PSPC1: variants seen among roughly 807,000 people sequenced by gnomAD.
PSPC1 encodes the protein paraspeckle component 1.
A neutral mutation model predicts 51.6 loss-of-function variants in PSPC1; 14 were observed. The observed-to-expected ratio is 0.27, with a 90% CI of 0.18 to 0.42. The LOEUF is 0.42. Among genes scored for constraint, PSPC1 ranks in the 10% least tolerant of loss-of-function variants. The probability of loss-of-function intolerance (pLI) is 1.00; values close to 1 mark genes in which losing one functional copy is unlikely to be tolerated. For synonymous variants in PSPC1, 193 were observed against 231.9 expected (o/e 0.83, Z 1.53); for missense variants, 406 against 701.1 (o/e 0.58, Z 4.75).
chr13:19,735,268 G>A lies in PSPC1; in HGVS notation c.1053-4924C>T, dbSNP rs530978809. Among the ~76,000 whole-genome samples, 5 of 151,624 alleles carry A rather than the reference G, an allele frequency of 3.3e-5. No homozygotes were observed. The East Asian group carries it at 7.9e-4, about 24-fold the overall frequency. On this transcript the variant is annotated intron_variant, in intron 5 of 8. Transcript: ENST00000338910. ...CAGAGGTTGCAGCGACCGAGATCGC[G>A]CCACCGCACTCCAGCCTGGGCGACA...
chr13:19,782,640 C>A lies in PSPC1; in HGVS notation c.118G>T (p.Ala40Ser). Residue 40 changes from alanine (A) to serine (S), a missense_variant, in exon 1 of 9, where the codon GCT becomes TCT. Ala to Ser is a moderately conservative substitution (Grantham distance 99). Transcript: ENST00000338910. The surrounding 1 kb of genome is among the most constrained non-coding windows in gnomAD (Gnocchi z 4.5). ...GGCGGTGCCGGCTCCCCGGCAAGAG[C>A]GAGCGCCATGGCTGCCGCGGCCGCC... ...EPAAAAAMAL[A>S]LAGEPAPPAP... is the part of the protein sequence containing the mutation. 1 of 1,565,990 alleles carries A rather than the reference C, an allele frequency of 6.4e-7. No homozygotes were observed. The highest frequency in any genetic ancestry group is 8.6e-7 in the Non-Finnish European group (1 of 1,162,764).
chr13:19,688,559 T>C (rs1182515226), intron 6 of PSPC1, among the ~76,000 whole-genome samples: 1 of 152,238 alleles, frequency 6.6e-6, no homozygotes, highest in Non-Finnish European at 1.5e-5. Context: ...CATTGTTTCA[T>C]AATTAATGTG....
intron 1 of PSPC1, among the ~76,000 whole-genome samples, chr13:19,780,283 G>C (rs1307643659): frequency 6.3e-5 from 9 of 142,540 alleles, no homozygotes; most frequent in African/African-American, 2.0e-4. Flanking sequence ...GAGCCCCTCT[G>C]CCTGGCCACC....
At chr13:19,710,325 T>C (rs1240826408) in intron 6 of PSPC1, among the ~76,000 whole-genome samples, 4 of 152,222 alleles carry the variant, frequency 2.6e-5, no homozygotes, top group Non-Finnish European at 5.9e-5. Flanking sequence ...CTAAAAGCTG[T>C]TCATTTACCA....
chr13:19,738,515 A>G (rs1365393079), intron 5 of PSPC1, among the ~76,000 whole-genome samples: 1 of 152,224 alleles, frequency 6.6e-6, no homozygotes, highest in African/African-American at 2.4e-5. Flanking sequence ...ACAAGTAACA[A>G]AAAGTCCTCC....
At chr13:19,685,543 TGAA>T (rs1359601033) in intron 6 of PSPC1, among the ~76,000 whole-genome samples, 1 of 152,192 alleles carries the variant, frequency 6.6e-6, no homozygotes, top group Non-Finnish European at 1.5e-5. Flanking sequence ...TCAGAAGGTC[TGAA>T]GATTGTGTAT....
At chr13:19,676,574 C>A (rs1176230433) in intron 7 of PSPC1, among the ~76,000 whole-genome samples, 1 of 152,220 alleles carries the variant, frequency 6.6e-6, no homozygotes, top group Non-Finnish European at 1.5e-5. Flanking sequence ...CATTAGTACA[C>A]AGGACCTAAT....
chr13:19,730,125 G>C (rs1263165255), intron 6 of PSPC1, 114 bp downstream of exon 6: 1 of 764,358 alleles, frequency 1.3e-6, no homozygotes, highest in East Asian at 2.5e-5. Flanking sequence ...CAAACATGAT[G>C]AATTTAGAAA....
At chr13:19,706,781 T>C (rs1249271342) in intron 7 of PSPC1, among the ~76,000 whole-genome samples, 1 of 152,170 alleles carries the variant, frequency 6.6e-6, no homozygotes, top group Non-Finnish European at 1.5e-5. Flanking sequence ...CATAGGTCAA[T>C]TTTCTGATAA....
chr13:19,771,633 G>GT (rs368024756), intron 2 of PSPC1, among the ~76,000 whole-genome samples: 142 of 144,708 alleles, frequency 9.8e-4, no homozygotes, highest in African/African-American at 1.5e-3. Flanking sequence ...ATGAGGTTTT[G>GT]TTTTTTTTTT....
In PSPC1 at chr13:19,751,395, A is replaced by G. The variant is rs1886540839; in HGVS notation, c.843T>C (p.Ala281=). 1.9e-6 allele frequency: 3 copies of G among 1,593,150 alleles called. No individual in the cohort carries two copies. The highest frequency in any genetic ancestry group is 1.8e-5 in the Admixed American group (1 of 54,902). ...FEFEYASRWK[A]LDEMEKQQRE... ...GCTGCTGCTTTTCCATTTCATCAAG[A>G]GCCTTCCATCGAGATGCATACTCAA... The change falls in exon 4 of 9, where the codon GCT becomes GCC. Residue 281 remains alanine, a synonymous_variant. Coordinates refer to ENST00000338910, the MANE Select transcript of PSPC1 (RefSeq NM_001354909.2).
chr13:19,730,397 G>T, intron 5 of PSPC1, 53 bp from the exon 6 acceptor site: 2 of 1,481,314 alleles, frequency 1.4e-6, no homozygotes, highest in Admixed American at 3.4e-5. Context: ...GGCTGCCATT[G>T]GACATTTTAC....
At chr13:19,711,674 C>G (rs1881459220) in intron 6 of PSPC1, among the ~76,000 whole-genome samples, 1 of 144,122 alleles carries the variant, frequency 6.9e-6, no homozygotes, top group African/African-American at 2.5e-5. Flanking sequence ...AACCCCATCT[C>G]TACTAATAAT....
At position 19,779,731 on chromosome 13, in the gene PSPC1, T is replaced by TG. The variant is rs558537931; in HGVS notation, c.372+2654dup. Among the ~76,000 whole-genome samples the TG allele has an allele frequency of 3.2e-4, 22 of 68,306 alleles. 2 individuals are homozygous for TG. The highest frequency in any genetic ancestry group is 1.5e-3 in the African/African-American group (20 of 13,154). 44.8% of individuals were successfully genotyped at this position (68,306 alleles called of 152,430 possible). On this transcript the variant is annotated intron_variant, in intron 1 of 8. Coordinates refer to ENST00000338910, the MANE Select transcript of PSPC1 (RefSeq NM_001354909.2). ...CCAGCCACCCTGTCTGGGAGGGAGG[T>TG]GGGGGGGGGTCAGCCCTCCGCCCAG... is the stretch of plus-strand genomic sequence containing the variant.
intron 6 of PSPC1, among the ~76,000 whole-genome samples, chr13:19,727,388 C>T (rs1342804747): frequency 6.6e-6 from 1 of 151,850 alleles, no homozygotes; most frequent in Non-Finnish European, 1.5e-5. Context: ...GAGTGAAACT[C>T]TGCCTCAATA....
In PSPC1 at chr13:19,713,790, C is replaced by T. The variant is rs115346032; in HGVS notation, c.1159-4191G>A. On this transcript the variant is annotated intron_variant, in intron 6 of 8. Coordinates refer to ENST00000338910, the MANE Select transcript of PSPC1 (RefSeq NM_001354909.2). ...ATTCCATCATTGCAGCGGTTCTTAA[C>T]GTGTAGGTCATGGAGTACACTAAGA... is the stretch of plus-strand genomic sequence containing the variant. Among the ~76,000 whole-genome samples the T allele has an allele frequency of 9.0e-3, 1,370 of 152,224 alleles. 15 individuals are homozygous for T. Among genetic ancestry groups the T allele is most frequent in the African/African-American group, 0.031 (1,298 of 41,532 alleles).
At chr13:19,775,080 T>TA (rs1433501469) in intron 1 of PSPC1, among the ~76,000 whole-genome samples, 1 of 152,092 alleles carries the variant, frequency 6.6e-6, no homozygotes, top group Admixed American at 6.6e-5. Context: ...GGCTCATGCC[T>TA]GTAATCCCAG....
downstream of PSPC1, among the ~76,000 whole-genome samples, chr13:19,698,792 T>C (rs1485810248): frequency 1.3e-5 from 2 of 151,922 alleles, no homozygotes; most frequent in African/African-American, 4.8e-5. Context: ...GCCATAAAAT[T>C]TTCTTGAAAA....
intron 8 of PSPC1, among the ~76,000 whole-genome samples, chr13:19,704,309 T>C (rs1439568850): frequency 6.6e-6 from 1 of 151,824 alleles, no homozygotes; most frequent in East Asian, 1.9e-4. Flanking sequence ...AGCCGTGCAC[T>C]GCCTCATCTC....
Sources: allele counts gnomAD v4.1 joint callset (sites outside exome capture counted in the v4.1 genomes callset), GRCh38; gene constraint gnomAD v4.1.1; non-coding constraint Gnocchi (gnomAD v3.1); transcripts MANE v1.5; gene names NCBI Gene and HGNC (gene_info 2026-07-23, HGNC 2026-07-21).